The following HHIP variants were observed in gnomAD, a reference collection of about 807,000 sequenced individuals.
HHIP encodes hedgehog-interacting protein.
In HHIP, 12 loss-of-function variants were observed where a neutral mutation model predicts 74.0. That is an observed-to-expected ratio of 0.16 (90% CI 0.10 to 0.26). The LOEUF is 0.26. Among genes scored for constraint, HHIP ranks in the 10% least tolerant of loss-of-function variants. HHIP has a pLI of 1.00. For synonymous variants in HHIP, 309 were observed against 311.6 expected (o/e 0.99, Z 0.09); for missense variants, 788 against 845.0 (o/e 0.93, Z 0.84).
Position 144,646,622 on chromosome 4 carries a change from A to T in HHIP, c.-54A>T. The T allele has an allele frequency of 6.4e-7, 1 of 1,567,760 alleles. No homozygotes were observed. The highest frequency in any genetic ancestry group is 2.2e-5 in the East Asian group (1 of 44,576). On this transcript the variant is annotated 5_prime_UTR_variant, in exon 1 of 13. Coordinates refer to ENST00000296575, the MANE Select transcript of HHIP (RefSeq NM_022475.3). ...CTGCGCCCTAGTGCCCCTGCTGGGC[A>T]GTGGCGTTCCCCCCCATCCTCCCGC...
intron 11 of HHIP, among the ~76,000 whole-genome samples, chr4:144,723,373 C>G (rs750917354): frequency 3.9e-5 from 6 of 152,046 alleles, no homozygotes; most frequent in Non-Finnish European, 7.4e-5. Flanking sequence ...TGCCCTTTGT[C>G]TATTGTTTTC....
At chr4:144,735,993 G>T (rs1731105654) in intron 12 of HHIP, among the ~76,000 whole-genome samples, 2 of 152,056 alleles carry the variant, frequency 1.3e-5, no homozygotes, top group Admixed American at 1.3e-4. Flanking sequence ...ATGCTTACAT[G>T]TTATTTACCC....
chr4:144,714,149 A>G, intron 8 of HHIP, 76 bp from the exon 9 acceptor site: 1 of 1,257,778 alleles, frequency 8.0e-7, no homozygotes, highest in Middle Eastern at 1.9e-4. Context: ...TTACTATAGT[A>G]ATTGTTGTTT....
At chr4:144,663,441 G>A (rs1728768756) in intron 4 of HHIP, among the ~76,000 whole-genome samples, 1 of 152,152 alleles carries the variant, frequency 6.6e-6, no homozygotes, top group Admixed American at 6.5e-5. Context: ...CCAAACTTCT[G>A]GATCACTTAC....
intron 4 of HHIP, among the ~76,000 whole-genome samples, chr4:144,703,829 G>A (rs982071261): frequency 1.3e-5 from 2 of 152,214 alleles, no homozygotes; most frequent in African/African-American, 4.8e-5. Flanking sequence ...TTCTGATGGT[G>A]TGGCCTCTAA....
Position 144,659,765 on chromosome 4 carries a change from T to C in HHIP, c.758T>C (p.Ile253Thr), listed in dbSNP as rs780145807. Reference sequence around the variant, plus strand: ...CTGGAAAAAGAAGGTTATGTGAAGATACTTACCCCTGAAGGAGAAATTTTC... The same window carrying C: ...CTGGAAAAAGAAGGTTATGTGAAGACACTTACCCCTGAAGGAGAAATTTTC... ...FILEKEGYVK[I>T]LTPEGEIFKE... The change falls in exon 4 of 13, where the codon ATA becomes ACA. Residue 253 changes from isoleucine to threonine, a missense_variant. By Grantham distance (89) the Ile-to-Thr change is moderately conservative. Coordinates refer to ENST00000296575, the MANE Select transcript of HHIP (RefSeq NM_022475.3). 1 of 1,613,068 alleles carries C rather than the reference T, an allele frequency of 6.2e-7. No homozygotes were observed. The highest frequency in any genetic ancestry group is 1.1e-5 in the South Asian group (1 of 90,718).
chr4:144,709,578 C>T (rs941236761), intron 7 of HHIP, among the ~76,000 whole-genome samples: 1 of 152,134 alleles, frequency 6.6e-6, no homozygotes, highest in African/African-American at 2.4e-5. Context: ...CCACCTCCCT[C>T]CAAAAGTATT....
intron 4 of HHIP, chr4:144,660,065 T>C (rs1728670009): frequency 1.8e-6 from 1 of 553,790 alleles, no homozygotes; most frequent in Non-Finnish European, 3.2e-6. Flanking sequence ...ATATTTGACA[T>C]GCTTTCCCCA....
intron 6 of HHIP, 146 bp from the exon 7 acceptor site, chr4:144,708,022 C>T (rs1428823028): frequency 7.5e-6 from 6 of 801,552 alleles, no homozygotes; most frequent in South Asian, 3.5e-5. Context: ...GGATTACAGA[C>T]GTGAGCCACT....
chr4:144,671,281 G>A (rs2126607001), intron 4 of HHIP, among the ~76,000 whole-genome samples: 1 of 150,594 alleles, frequency 6.6e-6, no homozygotes, highest in Middle Eastern at 3.5e-3. Context: ...TTCCTTAATT[G>A]CAACCTACAA....
intron 4 of HHIP, among the ~76,000 whole-genome samples, chr4:144,684,926 A>G (rs2126626927): frequency 6.6e-6 from 1 of 152,182 alleles, no homozygotes; most frequent in East Asian, 1.9e-4. Flanking sequence ...GGCCCCCTGC[A>G]TATACTGATA....
rs557337167 is a variant in HHIP, at chr4:144,659,224, T to C, written c.629+278T>C. Reference sequence around the variant, plus strand: ...CTGAATTTTATGATTGTTGTTAGTCTATGGCACTGTGAAAATGTTCAGCAC... The same window carrying C: ...CTGAATTTTATGATTGTTGTTAGTCCATGGCACTGTGAAAATGTTCAGCAC... On this transcript the variant is annotated intron_variant, in intron 3 of 12. Coordinates refer to ENST00000296575, the MANE Select transcript of HHIP (RefSeq NM_022475.3). Among the ~76,000 whole-genome samples the C allele has an allele frequency of 1.2e-4, 18 of 152,360 alleles. No homozygotes were observed. In the South Asian group the frequency reaches 3.7e-3, roughly 32 times the overall value.
intron 4 of HHIP, among the ~76,000 whole-genome samples, chr4:144,661,106 T>C (rs1376952366): frequency 6.6e-6 from 1 of 152,192 alleles, no homozygotes; most frequent in Admixed American, 6.5e-5. Context: ...GAACTGATGT[T>C]CTTGTTTCTA....
chr4:144,725,681 T>G (rs1730779121), intron 11 of HHIP, among the ~76,000 whole-genome samples: 1 of 152,132 alleles, frequency 6.6e-6, no homozygotes, highest in Non-Finnish European at 1.5e-5. Flanking sequence ...TGTGTGTGTG[T>G]GTTTGAGACA....
intron 4 of HHIP, among the ~76,000 whole-genome samples, chr4:144,698,268 T>C (rs911598605): frequency 4.6e-5 from 7 of 152,142 alleles, no homozygotes; most frequent in Admixed American, 2.0e-4. Flanking sequence ...CATTTGAAAA[T>C]TGTATATGCA....
intron 11 of HHIP, among the ~76,000 whole-genome samples, chr4:144,723,012 ATT>A (rs375776994): frequency 1.3e-5 from 2 of 152,190 alleles, no homozygotes; most frequent in African/African-American, 4.8e-5. Context: ...TAGAACACGA[ATT>A]TTTTTATAGT....
intron 4 of HHIP, among the ~76,000 whole-genome samples, chr4:144,696,675 G>T (rs1191279875): frequency 6.6e-6 from 1 of 151,926 alleles, no homozygotes; most frequent in Non-Finnish European, 1.5e-5. Flanking sequence ...AGCATTTGGG[G>T]CAAGTTACTC....
rs1731252907 is a variant in HHIP at position 144,741,152 on chromosome 4, T to TTA, written c.*3195_*3196insTA. ...GTAATTATTGTAAAATATATTTTTTTATTTTATCATGAAGAATACTCGGAA... is the reference window on the plus strand; with the variant it reads ...GTAATTATTGTAAAATATATTTTTTTTAATTTTATCATGAAGAATACTCGGAA... On this transcript the variant is annotated 3_prime_UTR_variant, in exon 13 of 13. Transcript: ENST00000296575. The TTA allele has an allele frequency of 6.6e-6, 1 of 151,696 alleles. No individual in the cohort carries two copies. The highest frequency in any genetic ancestry group is 1.5e-5 in the Non-Finnish European group (1 of 67,924). The allele number at this position is 151,696 out of a possible 1,614,324, so 9.4% of individuals were successfully genotyped here.
intron 4 of HHIP, among the ~76,000 whole-genome samples, chr4:144,665,295 C>T (rs1168082847): frequency 6.6e-6 from 1 of 152,150 alleles, no homozygotes; most frequent in Non-Finnish European, 1.5e-5. Flanking sequence ...TCTCAAACTC[C>T]TGGACTCAAG....
Sources: gnomAD v4.1 joint callset for allele counts (sites outside exome capture counted in the v4.1 genomes callset) on GRCh38, gnomAD v4.1.1 for gene constraint, MANE v1.5 for transcripts, NCBI Gene and HGNC (gene_info 2026-07-23, HGNC 2026-07-21) for gene names.